MAPK10: variants seen among roughly 807,000 people sequenced by gnomAD.
MAPK10 encodes the protein JNK3 alpha protein kinase.
In MAPK10, 25 loss-of-function variants were observed where a neutral mutation model predicts 59.3. That is an observed-to-expected ratio of 0.42 (90% confidence interval 0.31 to 0.59). MAPK10 has a LOEUF of 0.59. Ranked by LOEUF, MAPK10 falls within the 20% of genes least tolerant of loss-of-function variation. The pLI is 0.15. For missense variants in MAPK10, 351 were observed against 568.9 expected (o/e 0.62, Z 3.90); for synonymous variants, 190 against 200.5 (o/e 0.95, Z 0.44).
chr4:86,247,955 C>T (rs377276189), intron 2 of MAPK10, among the ~76,000 whole-genome samples: 1 of 152,170 alleles, frequency 6.6e-6, no homozygotes, highest in African/African-American at 2.4e-5. Context: ...TCTCAAAGGT[C>T]CTTCTAATTT....
intron 1 of MAPK10, among the ~76,000 whole-genome samples, chr4:86,380,958 T>C (rs138707221): frequency 2.0e-5 from 3 of 152,108 alleles, no homozygotes; most frequent in East Asian, 1.9e-4. Flanking sequence ...AACTGTCTAA[T>C]AGACGCCTCA....
intron 1 of MAPK10, among the ~76,000 whole-genome samples, chr4:86,583,112 T>C (rs1253868505): frequency 6.6e-6 from 1 of 152,116 alleles, no homozygotes; most frequent in East Asian, 1.9e-4. Context: ...CCCCATGTAG[T>C]ACAGTACCTA....
At chr4:86,111,801 A>C (rs997814022) in intron 4 of MAPK10, among the ~76,000 whole-genome samples, 1 of 152,170 alleles carries the variant, frequency 6.6e-6, no homozygotes, top group African/African-American at 2.4e-5. Context: ...CAGAAGAAAT[A>C]GTACCAGCTC....
At chr4:86,443,400 A>G (rs1373992955) in intron 1 of MAPK10, among the ~76,000 whole-genome samples, 2 of 152,268 alleles carry the variant, frequency 1.3e-5, no homozygotes, top group East Asian at 3.9e-4. Flanking sequence ...ACCACCCTGC[A>G]GAAGCCAAAA....
intron 2 of MAPK10, among the ~76,000 whole-genome samples, chr4:86,229,629 T>C (rs2148660958): frequency 6.6e-6 from 1 of 152,252 alleles, no homozygotes; most frequent in Non-Finnish European, 1.5e-5. Context: ...AACAACTGGC[T>C]TTTTTCATTG....
chr4:86,561,305 G>A (rs78292790), intron 1 of MAPK10, among the ~76,000 whole-genome samples: 43 of 152,296 alleles, frequency 2.8e-4, no homozygotes, highest in African/African-American at 9.6e-4. Context: ...GTCAGTTGCT[G>A]TGTATTATAA....
At chr4:86,537,060 G>C (rs1399211242) in intron 1 of MAPK10, among the ~76,000 whole-genome samples, 2 of 152,164 alleles carry the variant, frequency 1.3e-5, no homozygotes, top group Non-Finnish European at 2.9e-5. Context: ...GCCTGACTCA[G>C]GTTGTCGGAA....
intron 9 of MAPK10, among the ~76,000 whole-genome samples, chr4:86,076,344 C>A (rs955603909): frequency 6.6e-6 from 1 of 152,220 alleles, no homozygotes; most frequent in Admixed American, 6.5e-5. Context: ...ATGCAGAAAT[C>A]ACCCATCTTC....
chr4:86,353,311 T>G (rs1732631849), intron 2 of MAPK10, among the ~76,000 whole-genome samples: 1 of 152,206 alleles, frequency 6.6e-6, no homozygotes, highest in South Asian at 2.1e-4. Flanking sequence ...CTGTCTTTTA[T>G]CTGCCCCAAA....
chr4:86,395,489 A>T (rs1742788190), intron 1 of MAPK10, among the ~76,000 whole-genome samples: 1 of 152,232 alleles, frequency 6.6e-6, no homozygotes, highest in Non-Finnish European at 1.5e-5. Context: ...TGCATGATGT[A>T]ACTGAATCAT....
intron 4 of MAPK10, chr4:86,159,061 C>A: frequency 3.0e-6 from 1 of 337,760 alleles, no homozygotes; most frequent in Non-Finnish European, 5.3e-6. Context: ...TGTGTAATAA[C>A]TTTTTTTCTC....
intron 4 of MAPK10, among the ~76,000 whole-genome samples, chr4:86,136,348 C>T (rs2062085281): frequency 6.6e-6 from 1 of 152,046 alleles, no homozygotes; most frequent in African/African-American, 2.4e-5. Flanking sequence ...CAGCAGAAAC[C>T]CTACAAGCCA....
intron 9 of MAPK10, among the ~76,000 whole-genome samples, chr4:86,077,261 A>C (rs2049690928): frequency 6.6e-6 from 1 of 152,172 alleles, no homozygotes; most frequent in Non-Finnish European, 1.5e-5. Context: ...TAAGATTGAA[A>C]ATTTTTCCAA....
At chr4:86,361,664 TAC>T (rs550401183), upstream of MAPK10, among the ~76,000 whole-genome samples, 12 of 149,836 alleles carry the variant, frequency 8.0e-5, no homozygotes, top group East Asian at 3.9e-4. Flanking sequence ...CAAACACACA[TAC>T]ACACACACAC....
intron 3 of MAPK10, among the ~76,000 whole-genome samples, chr4:86,180,856 G>A (rs1375434359): frequency 6.6e-6 from 1 of 152,030 alleles, no homozygotes; most frequent in Non-Finnish European, 1.5e-5. Flanking sequence ...AGATGGGTAA[G>A]GGTTGGGGGA....
chr4:86,145,674 T>A (rs919630077), intron 4 of MAPK10, among the ~76,000 whole-genome samples: 5 of 152,162 alleles, frequency 3.3e-5, no homozygotes, highest in Non-Finnish European at 5.9e-5. Flanking sequence ...TTCCTCTTCC[T>A]CATTGTGTAT....
intron 1 of MAPK10, among the ~76,000 whole-genome samples, chr4:86,437,581 CTT>C (rs1253793164): frequency 6.6e-6 from 1 of 152,026 alleles, no homozygotes; most frequent in African/African-American, 2.4e-5. Flanking sequence ...ACTGTTGTGT[CTT>C]TGTCAATTTT....
chr4:86,332,249 A>C (rs1203408862), intron 2 of MAPK10, among the ~76,000 whole-genome samples: 3 of 152,210 alleles, frequency 2.0e-5, no homozygotes, highest in Non-Finnish European at 4.4e-5. Context: ...ACTTTAAATA[A>C]ACTTGTTTGA....
chr4:86,189,126 AT>A (rs1478930372), intron 3 of MAPK10, among the ~76,000 whole-genome samples: 1 of 152,166 alleles, frequency 6.6e-6, no homozygotes, highest in Non-Finnish European at 1.5e-5. Flanking sequence ...TACCAGCACC[AT>A]GCTGTTTTGG....
Sources: allele counts gnomAD v4.1 joint callset (sites outside exome capture counted in the v4.1 genomes callset), GRCh38; gene constraint gnomAD v4.1.1; transcripts MANE v1.5; gene names NCBI Gene and HGNC (gene_info 2026-07-23, HGNC 2026-07-21).